FER: variants seen among roughly 807,000 people sequenced by gnomAD.
FER encodes tyrosine-protein kinase Fer.
A neutral mutation model predicts 111.0 loss-of-function variants in FER; 63 were observed. The observed-to-expected ratio is 0.57, with a 90% CI of 0.46 to 0.70. FER has a LOEUF of 0.70. Ranked by LOEUF, FER falls within the 30% of genes least tolerant of loss-of-function variation. FER has a pLI of 0.00. For synonymous variants in FER, 327 were observed against 313.9 expected, an observed-to-expected ratio of 1.04 and a Z score of -0.44; for missense variants, 914 against 954.0, an observed-to-expected ratio of 0.96 and a Z score of 0.55.
intron 16 of FER, among the ~76,000 whole-genome samples, chr5:109,097,365 G>T (rs1561890568): frequency 6.6e-6 from 1 of 151,678 alleles, no homozygotes. Flanking sequence ...TACCCATACA[G>T]AAAAAAGTCT....
At chr5:108,822,854 A>G (rs1759046102) in intron 3 of FER, among the ~76,000 whole-genome samples, 1 of 151,262 alleles carries the variant, frequency 6.6e-6, no homozygotes, top group South Asian at 2.1e-4. Context: ...CAGTGGCGCC[A>G]TCTCGGCTCA....
chr5:109,089,423 G>T (rs942011901), intron 16 of FER, among the ~76,000 whole-genome samples: 1 of 152,164 alleles, frequency 6.6e-6, no homozygotes, highest in African/African-American at 2.4e-5. Context: ...CAGCATCTCA[G>T]TAAGAAATGT....
intron 16 of FER, among the ~76,000 whole-genome samples, chr5:109,080,062 T>C (rs957194784): frequency 4.6e-5 from 7 of 151,434 alleles, no homozygotes; most frequent in Non-Finnish European, 5.9e-5. Flanking sequence ...CATGGTTAAA[T>C]GAATAAAGTG....
chr5:108,934,575 G>A (rs759298883), intron 10 of FER, among the ~76,000 whole-genome samples: 6 of 151,842 alleles, frequency 4.0e-5, no homozygotes, highest in Non-Finnish European at 7.4e-5. Context: ...CAACTATATT[G>A]GACTCCAAAA....
intron 17 of FER, among the ~76,000 whole-genome samples, chr5:109,164,149 T>G (rs11749630): frequency 0.28 from 42,608 of 152,026 alleles, 6,240 homozygotes; most frequent in Non-Finnish European, 0.33. Context: ...CCCAGTAAGG[T>G]GTTTTCAGAG....
chr5:108,760,804 C>G lies in FER; in HGVS notation c.-205-7289C>G, dbSNP rs566677652. Among the ~76,000 whole-genome samples, 68 of 152,314 alleles carry G rather than the reference C, an allele frequency of 4.5e-4. 3 individuals are homozygous for G. The South Asian group carries it at 0.014, about 31-fold the overall frequency. Reference sequence around the variant, plus strand: ...AACTTTCTTTATATCAGCAATAAGGCTGTTTTGCTTTCTTGTCATTTGCGT... The same window carrying G: ...AACTTTCTTTATATCAGCAATAAGGGTGTTTTGCTTTCTTGTCATTTGCGT... On this transcript the variant is annotated intron_variant, in intron 1 of 19. Coordinates refer to ENST00000281092, the MANE Select transcript of FER (RefSeq NM_005246.4).
At chr5:109,004,644 A>T (rs1765260135) in intron 13 of FER, among the ~76,000 whole-genome samples, 1 of 152,184 alleles carries the variant, frequency 6.6e-6, no homozygotes, top group Non-Finnish European at 1.5e-5. Context: ...TATGATTACA[A>T]ATTTATTTTA....
chr5:108,809,255 T>C (rs1476749823), intron 3 of FER, among the ~76,000 whole-genome samples: 1 of 152,230 alleles, frequency 6.6e-6, no homozygotes, highest in Non-Finnish European at 1.5e-5. Context: ...TTGCTTTACC[T>C]AATCCCGTAT....
chr5:108,907,103 T>A (rs10040696), intron 10 of FER, among the ~76,000 whole-genome samples: 71,879 of 152,062 alleles, frequency 0.47, 20,429 homozygotes, highest in African/African-American at 0.81. Context: ...TTGTTGGATG[T>A]ATTTATGAAT....
chr5:109,091,341 C>T (rs1315628897), intron 16 of FER, among the ~76,000 whole-genome samples: 1 of 152,146 alleles, frequency 6.6e-6, no homozygotes, highest in Admixed American at 6.5e-5. Flanking sequence ...GATATGGCTC[C>T]TGTGGGCCCA....
At chr5:108,785,386 A>AG in intron 2 of FER, 2 of 586,824 alleles carry the variant, frequency 3.4e-6, no homozygotes. Context: ...TCTGGGACTT[A>AG]GGGGTAAATA....
chr5:109,141,674 T>C (rs566869661), intron 17 of FER, among the ~76,000 whole-genome samples: 1 of 152,294 alleles, frequency 6.6e-6, no homozygotes, highest in East Asian at 1.9e-4. Flanking sequence ...CTTGCCAAGC[T>C]GTGCGCAGGC....
At chr5:108,808,306 T>G (rs1463034864) in intron 3 of FER, among the ~76,000 whole-genome samples, 2 of 152,164 alleles carry the variant, frequency 1.3e-5, no homozygotes, top group Non-Finnish European at 1.5e-5. Context: ...ATATATTAAA[T>G]ATAAGTTAAG....
intron 2 of FER, among the ~76,000 whole-genome samples, chr5:108,785,747 G>A (rs1231001326): frequency 6.6e-6 from 1 of 152,182 alleles, no homozygotes; most frequent in African/African-American, 2.4e-5. Context: ...TCTATTCTGG[G>A]AGGAATTAGC....
rs557603738 is a variant in FER, at chr5:109,189,854, C to T, written c.*2279C>T. 3 of 152,272 alleles carry T rather than the reference C, an allele frequency of 2.0e-5. No individual in the cohort carries two copies. The South Asian group carries it at 6.2e-4, about 32-fold the overall frequency. The allele number at this position is 152,272 out of a possible 1,614,324, so 9.4% of individuals were successfully genotyped here. On this transcript the variant is annotated 3_prime_UTR_variant, in exon 20 of 20. Transcript: ENST00000281092. ...GAATGAACACAGCATTGATATTTCACTTATCCAGGCTGTTAGAATTTGCAG... is the reference window on the plus strand; with the variant it reads ...GAATGAACACAGCATTGATATTTCATTTATCCAGGCTGTTAGAATTTGCAG...
intron 3 of FER, among the ~76,000 whole-genome samples, chr5:108,804,968 CT>C (rs112888695): frequency 6.8e-4 from 95 of 140,576 alleles, no homozygotes; most frequent in African/African-American, 8.1e-4. Flanking sequence ...ATTTAGTCTG[CT>C]TTTTTTTTTT....
intron 2 of FER, among the ~76,000 whole-genome samples, chr5:108,793,965 A>G (rs1224299351): frequency 1.3e-5 from 2 of 152,108 alleles, no homozygotes; most frequent in South Asian, 4.1e-4. Context: ...TATTGTTTCT[A>G]TTCATAACTC....
At chr5:109,064,599 C>G (rs866165770) in intron 16 of FER, among the ~76,000 whole-genome samples, 1 of 152,024 alleles carries the variant, frequency 6.6e-6, no homozygotes, top group East Asian at 1.9e-4. Flanking sequence ...GCCATAGATG[C>G]ATTATGTATG....
In FER at chr5:108,897,837, G is replaced by A; in HGVS notation, c.1225G>A (p.Val409Ile). 1 of 1,610,810 alleles carries A rather than the reference G, an allele frequency of 6.2e-7. No homozygotes were observed. Among genetic ancestry groups the A allele is most frequent in the South Asian group, 1.1e-5 (1 of 90,484 alleles). The change falls in exon 10 of 20, where the codon GTT (valine) becomes ATT (isoleucine). Residue 409 changes from valine to isoleucine, a missense_variant. By Grantham distance (29) the Val-to-Ile change is conservative. This residue lies in a region of FER where 774 missense variants were observed against 782.6 expected (regional missense o/e 0.99). Coordinates refer to ENST00000281092, the MANE Select transcript of FER (RefSeq NM_005246.4). ...VVNYEEDARS[V>I]TSMERKERLS... Reference sequence around the variant, plus strand: ...AAATTATGAAGAAGATGCACGATCAGTTACATCTATGGTAAGCTAAAGAAT... The same window carrying A: ...AAATTATGAAGAAGATGCACGATCAATTACATCTATGGTAAGCTAAAGAAT...
Sources: gnomAD v4.1 joint callset for allele counts (sites outside exome capture counted in the v4.1 genomes callset) on GRCh38, gnomAD v4.1.1 for gene constraint, gnomAD v4.1.1 regional missense constraint, MANE v1.5 for transcripts, NCBI Gene and HGNC (gene_info 2026-07-23, HGNC 2026-07-21) for gene names.